MADD: variants seen among roughly 807,000 people sequenced by gnomAD.
The protein encoded by MADD is MAP kinase activating death domain.
In MADD, 109 loss-of-function variants were observed where a neutral mutation model predicts 176.7. That is an observed-to-expected ratio of 0.62 (90% CI 0.53 to 0.72). MADD has a LOEUF of 0.72. Among genes scored for constraint, MADD ranks in the 30% least tolerant of loss-of-function variants. The probability of loss-of-function intolerance (pLI) is 0.00; values close to 1 mark genes in which losing one functional copy is unlikely to be tolerated. For missense variants in MADD, 1,914 were observed against 2,045.5 expected, an observed-to-expected ratio of 0.94 and a Z score of 1.24; for synonymous variants, 771 against 771.3, an observed-to-expected ratio of 1.00 and a Z score of 0.01.
chr11:47,281,220 T>A (rs1285070714), intron 7 of MADD, among the ~76,000 whole-genome samples: 2 of 152,244 alleles, frequency 1.3e-5, no homozygotes, highest in African/African-American at 4.8e-5. Context: ...CCATTCTATA[T>A]AATTTCACAT....
chr11:47,281,815 A>T, intron 8 of MADD, 62 bp downstream of exon 8: 1 of 1,203,278 alleles, frequency 8.3e-7, no homozygotes, highest in South Asian at 2.0e-5. Context: ...TCTCTAAGGG[A>T]CCTTGGGGCA....
At chr11:47,297,254 C>G (rs1014318492) in intron 22 of MADD, among the ~76,000 whole-genome samples, 93 of 152,184 alleles carry the variant, frequency 6.1e-4, no homozygotes, top group African/African-American at 2.0e-3. Flanking sequence ...GGTTATCATT[C>G]CCACCCCCAG....
chr11:47,276,661 T>A (rs1246871318), intron 4 of MADD, 71 bp from the exon 5 acceptor site: 4 of 1,563,096 alleles, frequency 2.6e-6, no homozygotes, highest in African/African-American at 2.7e-5. Flanking sequence ...CAAGTTGTAA[T>A]GTTGGAAGCT....
In MADD at chr11:47,325,204, A is replaced by C; in HGVS notation, c.4542+627A>C. 6.4e-6 allele frequency: 1 copy of C among 155,862 alleles called. No homozygotes were observed. The highest frequency in any genetic ancestry group is 1.4e-5 in the Non-Finnish European group (1 of 72,698). 9.7% of individuals were successfully genotyped at this position (155,862 alleles called of 1,614,324 possible). On this transcript the variant is annotated intron_variant, in intron 30 of 32. Coordinates refer to ENST00000402192, the Ensembl canonical transcript of MADD. This position sits in a 1 kb window ranked among gnomAD's most constrained non-coding sequence, Gnocchi z 4.5. ...GCACTTGTGGATACATCTTTCCCTCATTGTAATTCCACCATAGGAGCTGAC... is the reference window on the plus strand; with the variant it reads ...GCACTTGTGGATACATCTTTCCCTCCTTGTAATTCCACCATAGGAGCTGAC...
rs776076664 is a variant in MADD, at chr11:47,275,069, G to A, written c.569G>A (p.Arg190Gln). Reference sequence around the variant, plus strand: ...CACTACCCTTTCTTCTCCACCTTCCGAGAGTGTTTGTATACTCTCAAGCGC... The same window carrying A: ...CACTACCCTTTCTTCTCCACCTTCCAAGAGTGTTTGTATACTCTCAAGCGC... Residue 190 changes from arginine to glutamine, a missense_variant, in exon 3 of 33, where the codon CGA (arginine) becomes CAA (glutamine). Transcript: ENST00000402192. 19 of 1,614,118 alleles carry A rather than the reference G, an allele frequency of 1.2e-5. No homozygotes were observed. The East Asian group carries it at 1.3e-4, about 11-fold the overall frequency.
intron 7 of MADD, among the ~76,000 whole-genome samples, chr11:47,279,381 CTTTTTT>C (rs34428529): frequency 8.6e-6 from 1 of 116,820 alleles, no homozygotes. Flanking sequence ...TTTTCTCAGT[CTTTTTT>C]TTTTTTTTTT....
intron 19 of MADD, among the ~76,000 whole-genome samples, chr11:47,293,010 G>A (rs959686080): frequency 2.6e-5 from 4 of 152,070 alleles, no homozygotes; most frequent in South Asian, 2.1e-4. Flanking sequence ...GCCTAGGCAC[G>A]CTTTCTTGCT....
chr11:47,321,308 A>G (rs2094438207), intron 27 of MADD, among the ~76,000 whole-genome samples: 1 of 152,230 alleles, frequency 6.6e-6, no homozygotes, highest in African/African-American at 2.4e-5. Context: ...CCTAGAACTC[A>G]AGTTTCCCAT....
chr11:47,272,217 A>G (rs1387052286), intron 1 of MADD: 1 of 152,188 alleles, frequency 6.6e-6, no homozygotes, highest in South Asian at 2.1e-4. Flanking sequence ...TGGCTCTGCT[A>G]TAAATAGTGC....
chr11:47,291,433 CTGTT>C (rs2065199067), intron 19 of MADD, among the ~76,000 whole-genome samples: 1 of 152,176 alleles, frequency 6.6e-6, no homozygotes, highest in African/African-American at 2.4e-5. Flanking sequence ...GGCATCACCT[CTGTT>C]TGGCTCACTC....
rs1252274560 is a variant in MADD, at chr11:47,325,019, CTGCGTGCT to C, written c.4542+445_4542+452del. ...AGCTTGCGTGTGCGTGCGTGCGTGC[CTGCGTGCT>C]TGTGTGTAAGTAGCTTGTATCTGTC... On this transcript the variant is annotated intron_variant, in intron 30 of 32. Transcript: ENST00000402192. This position sits in a 1 kb window ranked among gnomAD's most constrained non-coding sequence, Gnocchi z 4.5. The C allele has an allele frequency of 3.1e-5, 16 of 520,690 alleles. No homozygotes were observed. The highest frequency in any genetic ancestry group is 5.1e-4 in the Middle Eastern group (1 of 1,968). 32.3% of individuals were successfully genotyped at this position (520,690 alleles called of 1,614,324 possible). A position where few individuals can be genotyped will look rare whatever the true frequency, so the allele number is the denominator to read the frequency against.
intron 18 of MADD, 103 bp from the exon 20 acceptor site, chr11:47,290,504 ACTT>A: frequency 7.6e-7 from 1 of 1,310,044 alleles, no homozygotes; most frequent in Middle Eastern, 2.3e-4. Flanking sequence ...CTTTCCTTGA[ACTT>A]CTTCCATTCC....
chr11:47,283,457 A>G (rs1045689766), intron 10 of MADD, among the ~76,000 whole-genome samples: 10 of 151,850 alleles, frequency 6.6e-5, no homozygotes, highest in Admixed American at 2.6e-4. Flanking sequence ...TCTGGAGTGC[A>G]GTGGTGCCGT....
intron 22 of MADD, among the ~76,000 whole-genome samples, chr11:47,306,626 T>A (rs2082872614): frequency 6.6e-6 from 1 of 151,582 alleles, no homozygotes; most frequent in African/African-American, 2.4e-5. Context: ...CAGCTGATCC[T>A]AGATGGGGGA....
At chr11:47,300,458 C>G (rs935101170) in intron 22 of MADD, among the ~76,000 whole-genome samples, 1 of 73,126 alleles carries the variant, frequency 1.4e-5, no homozygotes, top group Admixed American at 1.3e-4. Flanking sequence ...CTACCCCCCG[C>G]CCGCCCCAAA....
At chr11:47,274,941 T>C (rs2048336777) in exon 3 of MADD, 3 of 1,614,006 alleles carry the variant, frequency 1.9e-6, no homozygotes, top group African/African-American at 2.7e-5. Context: ...CTCTCAGTGC[T>C]GACTCTACCC....
rs569357026 is a variant in MADD at position 47,297,401 on chromosome 11, T to G, written c.3642+1346T>G. ...ACAGACTGATTGGCTGATTGAGTGA[T>G]TGATTTTTCTTTTGTGCTGACAGTT... On this transcript the variant is annotated intron_variant, in intron 22 of 32. Transcript: ENST00000402192. Among the ~76,000 whole-genome samples, 19 of 152,242 alleles carry G rather than the reference T, an allele frequency of 1.2e-4. No individual in the cohort carries two copies. The South Asian group carries it at 3.1e-3, about 25-fold the overall frequency.
At chr11:47,319,990 CAAA>C (rs11302029) in intron 27 of MADD, among the ~76,000 whole-genome samples, 3 of 67,874 alleles carry the variant, frequency 4.4e-5, no homozygotes, top group African/African-American at 1.2e-4. Context: ...GACTCCATCG[CAAA>C]AAAAAAAAAA....
chr11:47,311,917 C>T (rs2089614168), intron 26 of MADD, 75 bp downstream of exon 29: 3 of 893,834 alleles, frequency 3.4e-6, no homozygotes, highest in Non-Finnish European at 5.4e-6. Flanking sequence ...GTCCAGTTCA[C>T]CCCGTTTTTG....
Sources: gnomAD v4.1 joint callset for allele counts (sites outside exome capture counted in the v4.1 genomes callset) on GRCh38, gnomAD v4.1.1 for gene constraint, Gnocchi (gnomAD v3.1) non-coding constraint, MANE v1.5 for transcripts, NCBI Gene and HGNC (gene_info 2026-07-23, HGNC 2026-07-21) for gene names.